ADAMTSL1: variants seen among roughly 807,000 people sequenced by gnomAD.
ADAMTSL1 encodes the protein ADAMTS like 1, also known as ADAMTS-like protein 1.
A neutral mutation model predicts 201.8 loss-of-function variants in ADAMTSL1; 126 were observed. That is an observed-to-expected ratio of 0.62 (90% CI 0.54 to 0.72). ADAMTSL1 has a LOEUF of 0.72. ADAMTSL1 is among the 30% of genes least tolerant of loss of function. ADAMTSL1 has a pLI of 0.00. For missense variants in ADAMTSL1, 2,679 were observed against 2,277.8 expected (o/e 1.18, Z -3.59); for synonymous variants, 1,121 against 903.4 (o/e 1.24, Z -4.32).
chr9:18,016,820 G>A (rs548114414), intron 1 of ADAMTSL1, among the ~76,000 whole-genome samples: 2 of 152,124 alleles, frequency 1.3e-5, no homozygotes, highest in Admixed American at 6.6e-5. Context: ...CCAGTATTCT[G>A]CGTCATGTTT....
At chr9:18,770,977 C>T (rs1427347274) in intron 17 of ADAMTSL1, among the ~76,000 whole-genome samples, 196 bp downstream of exon 17, 1 of 152,190 alleles carries the variant, frequency 6.6e-6, no homozygotes, top group Non-Finnish European at 1.5e-5. Flanking sequence ...ACGCAGCCAG[C>T]CCTTACCCAA....
At chr9:18,626,116 C>T (rs1041567587) in intron 5 of ADAMTSL1, among the ~76,000 whole-genome samples, 10 of 152,170 alleles carry the variant, frequency 6.6e-5, no homozygotes, top group Admixed American at 5.2e-4. Context: ...GCTATCCTCA[C>T]AAGCCACTCA....
intron 4 of ADAMTSL1, among the ~76,000 whole-genome samples, chr9:18,592,322 G>T (rs974670383): frequency 1.3e-5 from 2 of 152,042 alleles, no homozygotes; most frequent in African/African-American, 4.8e-5. Flanking sequence ...GTTCCTTGTT[G>T]TCGCACAGAA....
chr9:18,828,660 T>TTATATATATATATATATA (rs1554643931), intron 22 of ADAMTSL1, among the ~76,000 whole-genome samples: 25 of 28,526 alleles, frequency 8.8e-4, no homozygotes, highest in South Asian at 3.5e-3. Flanking sequence ...GAAAGTATAT[T>TTATATATATATATATATA]TATATATATA....
chr9:18,650,907 A>C (rs1464684551), intron 7 of ADAMTSL1, among the ~76,000 whole-genome samples: 1 of 152,132 alleles, frequency 6.6e-6, no homozygotes, highest in Admixed American at 6.6e-5. Context: ...GTAATAAAAT[A>C]CTCCCTACTC....
chr9:18,067,573 A>AT (rs1268751303), intron 1 of ADAMTSL1, among the ~76,000 whole-genome samples: 1 of 152,206 alleles, frequency 6.6e-6, no homozygotes, highest in Non-Finnish European at 1.5e-5. Flanking sequence ...AATTACAGTC[A>AT]TGTTAATTCA....
chr9:18,474,064 C>A (rs898313331), upstream of ADAMTSL1: 2 of 581,544 alleles, frequency 3.4e-6, no homozygotes, highest in Non-Finnish European at 6.1e-6. Context: ...ATTCAGCTTA[C>A]CCCCCACCCA....
At chr9:18,490,867 G>A (rs1031307026) in intron 1 of ADAMTSL1, among the ~76,000 whole-genome samples, 4 of 152,154 alleles carry the variant, frequency 2.6e-5, no homozygotes, top group Admixed American at 2.6e-4. Context: ...AAGCACTAGA[G>A]AATTCGGGAG....
chr9:18,015,473 C>T (rs1426780292), intron 1 of ADAMTSL1, among the ~76,000 whole-genome samples: 1 of 152,066 alleles, frequency 6.6e-6, no homozygotes, highest in Non-Finnish European at 1.5e-5. Flanking sequence ...GAAGCAGAGA[C>T]ATTTTGATCC....
intron 1 of ADAMTSL1, among the ~76,000 whole-genome samples, chr9:18,083,892 C>G (rs1265659548): frequency 2.6e-5 from 4 of 152,132 alleles, no homozygotes; most frequent in Admixed American, 1.3e-4. Context: ...TTCTTTGCCC[C>G]AGTTCTTGTT....
chr9:17,997,693 A>T (rs2131519593), intron 1 of ADAMTSL1, among the ~76,000 whole-genome samples: 1 of 152,178 alleles, frequency 6.6e-6, no homozygotes, highest in Middle Eastern at 3.4e-3. Flanking sequence ...GAAAAAAAAG[A>T]AGTAGTAATA....
intron 2 of ADAMTSL1, among the ~76,000 whole-genome samples, chr9:18,468,707 G>T (rs1280318521): frequency 2.0e-5 from 3 of 152,244 alleles, no homozygotes; most frequent in Admixed American, 6.5e-5. Context: ...AAACTGTCTG[G>T]CTCCAAAAAC....
intron 23 of ADAMTSL1, among the ~76,000 whole-genome samples, chr9:18,883,259 G>A (rs991345261): frequency 6.6e-6 from 1 of 152,156 alleles, no homozygotes; most frequent in Non-Finnish European, 1.5e-5. Flanking sequence ...TGGCTGGAGT[G>A]ACTTGACTGT....
intron 16 of ADAMTSL1, 83 bp from the exon 17 acceptor site, chr9:18,770,519 G>T: frequency 7.4e-7 from 1 of 1,357,006 alleles, no homozygotes; most frequent in Non-Finnish European, 9.8e-7. Flanking sequence ...CCTTTACTCT[G>T]CCAAATTAAG....
chr9:18,094,836 G>A (rs2131826350), intron 1 of ADAMTSL1, among the ~76,000 whole-genome samples: 2 of 149,550 alleles, frequency 1.3e-5, no homozygotes, highest in African/African-American at 4.9e-5. Context: ...AAAGTACCTG[G>A]ATTACAAGTC....
chr9:18,718,073 A>G, intron 14 of ADAMTSL1: 3 of 1,466,778 alleles, frequency 2.0e-6, no homozygotes, highest in Admixed American at 3.3e-5. Context: ...ATTAACATTT[A>G]TTTTGAATTT....
intron 2 of ADAMTSL1, among the ~76,000 whole-genome samples, chr9:18,321,378 T>C (rs1180647225): frequency 6.6e-6 from 1 of 152,234 alleles, no homozygotes; most frequent in East Asian, 1.9e-4. Flanking sequence ...TAAATGCTCT[T>C]TCTTAGTGTT....
chr9:18,526,700 C>G (rs919365503), intron 2 of ADAMTSL1, among the ~76,000 whole-genome samples: 10 of 152,140 alleles, frequency 6.6e-5, no homozygotes, highest in African/African-American at 2.4e-4. Flanking sequence ...ACTTATGAAG[C>G]TTAGTTTGGA....
intron 4 of ADAMTSL1, among the ~76,000 whole-genome samples, chr9:18,618,285 G>A (rs2132649638): frequency 6.6e-6 from 1 of 152,248 alleles, no homozygotes; most frequent in Non-Finnish European, 1.5e-5. Flanking sequence ...AGACTCGTAT[G>A]TCAATGGCTG....
Sources: gnomAD v4.1 joint callset for allele counts (sites outside exome capture counted in the v4.1 genomes callset) on GRCh38, gnomAD v4.1.1 for gene constraint, MANE v1.5 for transcripts, NCBI Gene and HGNC (gene_info 2026-07-23, HGNC 2026-07-21) for gene names.